The following ERFL variants were observed in gnomAD, a reference collection of about 807,000 sequenced individuals.
The protein encoded by ERFL is ETS domain-containing transcription factor ERF-like.
Under a neutral mutation model 27.9 loss-of-function variants are expected in ERFL, and 8 were observed. The observed-to-expected ratio is 0.29, with a 90% CI of 0.17 to 0.52. The LOEUF (loss-of-function observed/expected upper bound fraction) is 0.52, where lower values mean the gene tolerates loss of function less well. Among genes scored for constraint, ERFL ranks in the 20% least tolerant of loss-of-function variants. The probability of loss-of-function intolerance (pLI) is 0.97; values close to 1 mark genes in which losing one functional copy is unlikely to be tolerated. For synonymous variants in ERFL, 174 were observed against 202.8 expected (o/e 0.86, Z 1.21); for missense variants, 294 against 444.4 (o/e 0.66, Z 3.04).
At chr19:41,920,399 GTGACACACTCACAGACA>G (rs1368857152) in intron 1 of ERFL, among the ~76,000 whole-genome samples, 10 of 121,086 alleles carry the variant, frequency 8.3e-5, no homozygotes, top group Admixed American at 1.8e-4. Context: ...ATGCCCAGAT[GTGACACACTCACAGACA>G]TGACACACTC....
chr19:41,916,301 C>T lies in ERFL; in HGVS notation c.-13-3369G>A, dbSNP rs1053752359. 6.6e-5 allele frequency among the ~76,000 whole-genome samples: 10 copies of T among 151,792 alleles called. No individual in the cohort carries two copies. On this transcript the variant is annotated intron_variant, in intron 1 of 5. Transcript: ENST00000597630. This position sits in a 1 kb window ranked among gnomAD's most constrained non-coding sequence, Gnocchi z 5.4. ...GTCAACAAAGTCACACACAGCACCA[C>T]GTCCCACACAACACATCACACACAC...
In ERFL at chr19:41,917,873, C is replaced by T. The variant is rs1309013859; in HGVS notation, c.-13-4941G>A. 6.6e-6 allele frequency among the ~76,000 whole-genome samples: 1 copy of T among 152,026 alleles called. No individual in the cohort carries two copies. Among genetic ancestry groups the T allele is most frequent in the African/African-American group, 2.4e-5 (1 of 41,346 alleles). On this transcript the variant is annotated intron_variant, in intron 1 of 5. Coordinates refer to ENST00000597630, the MANE Select transcript of ERFL (RefSeq NM_001365103.2). This position sits in a 1 kb window ranked among gnomAD's most constrained non-coding sequence, Gnocchi z 4.8. The stretch of plus-strand genomic sequence containing the variant: ...ATCTGTTGCCACACAAACGAGCCCC[C>T]AACACCCTGTCCCATCTGGGTGCAC...
chr19:41,919,422 C>G (rs972721781), intron 1 of ERFL, among the ~76,000 whole-genome samples: 1 of 152,170 alleles, frequency 6.6e-6, no homozygotes, highest in African/African-American at 2.4e-5. Flanking sequence ...TAGGGCTGGA[C>G]ACACAGTATC....
At chr19:41,912,405 T>TG (rs2074758181) in intron 2 of ERFL, among the ~76,000 whole-genome samples, 1 of 152,202 alleles carries the variant, frequency 6.6e-6, no homozygotes, top group Non-Finnish European at 1.5e-5. Context: ...TCCTCTTTCC[T>TG]GGGTCTCGGT....
In ERFL at chr19:41,916,023, T is replaced by C. The variant is rs1483051166; in HGVS notation, c.-13-3091A>G. On this transcript the variant is annotated intron_variant, in intron 1 of 5. Transcript: ENST00000597630. This position sits in a 1 kb window ranked among gnomAD's most constrained non-coding sequence, Gnocchi z 5.4. ...TTTATTTTGCTTCCTCCACCCCCCC[T>C]TCGCCCCCCATCTCTACCGCCCGCA... Among the ~76,000 whole-genome samples the C allele has an allele frequency of 2.3e-5, 3 of 131,000 alleles. No individual in the cohort carries two copies. Among genetic ancestry groups the C allele is most frequent in the Non-Finnish European group, 3.2e-5 (2 of 62,328 alleles). 85.9% of individuals were successfully genotyped at this position (131,000 alleles called of 152,430 possible). A position where few individuals can be genotyped will look rare whatever the true frequency, so the allele number is the denominator to read the frequency against.
Position 41,908,739 on chromosome 19 carries a change from C to T in ERFL, c.617-63G>A. 1 of 841,740 alleles carries T rather than the reference C, an allele frequency of 1.2e-6. No individual in the cohort carries two copies. Among genetic ancestry groups the T allele is most frequent in the Non-Finnish European group, 1.6e-6 (1 of 631,816 alleles). 52.1% of individuals were successfully genotyped at this position (841,740 alleles called of 1,614,324 possible). A position where few individuals can be genotyped will look rare whatever the true frequency, so the allele number is the denominator to read the frequency against. On this transcript the variant is annotated intron_variant, in intron 5 of 5. Coordinates refer to ENST00000597630, the MANE Select transcript of ERFL (RefSeq NM_001365103.2). This position sits in a 1 kb window ranked among gnomAD's most constrained non-coding sequence, Gnocchi z 6.7. The stretch of plus-strand genomic sequence containing the variant: ...CCTGCCTGGGGACCAGTAAAGGGGG[C>T]TGCCTCCCTGCCATATCCCACCCCA...
Position 41,912,965 on chromosome 19 carries a change from G to A in ERFL, c.-13-33C>T, listed in dbSNP as rs1457115179. The A allele has an allele frequency of 2.4e-5, 25 of 1,052,294 alleles. No homozygotes were observed. The East Asian group carries it at 4.2e-4, about 18-fold the overall frequency. The allele number at this position is 1,052,294 out of a possible 1,614,324, so 65.2% of individuals were successfully genotyped here. On this transcript the variant is annotated intron_variant, in intron 1 of 5. Coordinates refer to ENST00000597630, the MANE Select transcript of ERFL (RefSeq NM_001365103.2). The stretch of plus-strand genomic sequence containing the variant: ...GGCCGGGAGGGACACACGGGGACGG[G>A]GTGGGCAGGAGAGACAGACACAGGT...
At position 41,917,009 on chromosome 19, in the gene ERFL, GGTGT is replaced by G. The variant is rs782321934; in HGVS notation, c.-13-4081_-13-4078del. ...AACTTCCCAAGCATGTCTCTGCATG[GGTGT>G]GTGTGTGTGTGTGCACATATGTGAC... On this transcript the variant is annotated intron_variant, in intron 1 of 5. Transcript: ENST00000597630. The surrounding 1 kb of genome is among the most constrained non-coding windows in gnomAD (Gnocchi z 4.8). 6.1e-5 allele frequency among the ~76,000 whole-genome samples: 8 copies of G among 132,120 alleles called. No individual in the cohort carries two copies. The highest frequency in any genetic ancestry group is 4.1e-4 in the Admixed American group (6 of 14,752). 86.7% of individuals were successfully genotyped at this position (132,120 alleles called of 152,430 possible).
chr19:41,909,011 C>T lies in ERFL; in HGVS notation c.616+49G>A, dbSNP rs1285819043. ...TTCTCATCCTCTTCCCTCAAGCCTG[C>T]AGCTTCTCCCACTGTGCCCCCAGCA... On this transcript the variant is annotated intron_variant, in intron 5 of 5. Coordinates refer to ENST00000597630, the MANE Select transcript of ERFL (RefSeq NM_001365103.2). The surrounding 1 kb of genome is among the most constrained non-coding windows in gnomAD (Gnocchi z 5.2). 2 of 1,103,808 alleles carry T rather than the reference C, an allele frequency of 1.8e-6. No homozygotes were observed. The highest frequency in any genetic ancestry group is 1.6e-5 in the African/African-American group (1 of 61,666). The allele number at this position is 1,103,808 out of a possible 1,614,324, so 68.4% of individuals were successfully genotyped here. A position where few individuals can be genotyped will look rare whatever the true frequency, so the allele number is the denominator to read the frequency against.
At position 41,908,653 on chromosome 19, in the gene ERFL, G is replaced by A. The variant is rs1466862227; in HGVS notation, c.640C>T (p.Pro214Ser). 3 of 1,231,602 alleles carry A rather than the reference G, an allele frequency of 2.4e-6. No homozygotes were observed. Among genetic ancestry groups the A allele is most frequent in the Non-Finnish European group, 3.0e-6 (3 of 988,044 alleles). 76.3% of individuals were successfully genotyped at this position (1,231,602 alleles called of 1,614,324 possible). A position where few individuals can be genotyped will look rare whatever the true frequency, so the allele number is the denominator to read the frequency against. Reference protein sequence around the residue: ...GSGATSYSKPPGLLGPYGRAF... With the variant: ...GSGATSYSKPSGLLGPYGRAF... ...CGGCCATAAGGACCCAGCAGGCCAG[G>A]GGGCTTGGAATAGCTGGTGGCACCT... Residue 214 changes from proline (P) to serine (S), a missense_variant, in exon 6 of 6, where the codon CCT becomes TCT. Transcript: ENST00000597630. This position sits in a 1 kb window ranked among gnomAD's most constrained non-coding sequence, Gnocchi z 6.7.
chr19:41,924,623 A>C (rs2074861288), intron 1 of ERFL, among the ~76,000 whole-genome samples: 2 of 152,110 alleles, frequency 1.3e-5, no homozygotes, highest in South Asian at 4.1e-4. Context: ...CTACTCAGAG[A>C]ATGATACCTG....
chr19:41,918,472 C>T (rs934987472), intron 1 of ERFL, among the ~76,000 whole-genome samples: 2 of 149,612 alleles, frequency 1.3e-5, no homozygotes, highest in Admixed American at 6.7e-5. Context: ...ACACACCACA[C>T]ACGCACCACG....
intron 1 of ERFL, among the ~76,000 whole-genome samples, chr19:41,913,439 C>T (rs1555851448): frequency 6.6e-6 from 1 of 151,892 alleles, no homozygotes; most frequent in African/African-American, 2.4e-5. Flanking sequence ...ACACCCGCCC[C>T]ACCCGGACGA....
chr19:41,917,664 A>G lies in ERFL; in HGVS notation c.-13-4732T>C, dbSNP rs2074810265. Among the ~76,000 whole-genome samples the G allele has an allele frequency of 6.6e-6, 1 of 151,400 alleles. No homozygotes were observed. Among genetic ancestry groups the G allele is most frequent in the African/African-American group, 2.4e-5 (1 of 41,054 alleles). On this transcript the variant is annotated intron_variant, in intron 1 of 5. Transcript: ENST00000597630. The surrounding 1 kb of genome is among the most constrained non-coding windows in gnomAD (Gnocchi z 4.8). ...AAAGCACACGCACGCACGCACACACACACCCTGACTGCACCCACCCATGGC... is the reference window on the plus strand; with the variant it reads ...AAAGCACACGCACGCACGCACACACGCACCCTGACTGCACCCACCCATGGC...
rs2074731716 is a variant in ERFL at position 41,908,456 on chromosome 19, G to A, written c.837C>T (p.Ala279=). The A allele has an allele frequency of 1.3e-5, 16 of 1,231,202 alleles. No homozygotes were observed. Among genetic ancestry groups the A allele is most frequent in the Non-Finnish European group, 1.4e-5 (14 of 987,692 alleles). 76.3% of individuals were successfully genotyped at this position (1,231,202 alleles called of 1,614,324 possible). A position where few individuals can be genotyped will look rare whatever the true frequency, so the allele number is the denominator to read the frequency against. ...GGGPTATPLL[A]STGEGLGPER... The stretch of plus-strand genomic sequence containing the variant: ...CGGGGCCCAGGCCCTCCCCTGTCGA[G>A]GCCAGCAGGGGCGTGGCTGTGGGGC... Residue 279 remains alanine, a synonymous_variant, in exon 6 of 6, where the codon GCC becomes GCT. Transcript: ENST00000597630. The surrounding 1 kb of genome is among the most constrained non-coding windows in gnomAD (Gnocchi z 6.7).
chr19:41,915,403 CGTCT>C (rs1402175607), intron 1 of ERFL, among the ~76,000 whole-genome samples: 3 of 151,722 alleles, frequency 2.0e-5, no homozygotes, highest in Admixed American at 2.0e-4. Flanking sequence ...TGTCCCCGTC[CGTCT>C]GTCCGTCCCT....
intron 1 of ERFL, among the ~76,000 whole-genome samples, chr19:41,913,728 C>T (rs953213275): frequency 1.8e-4 from 27 of 150,556 alleles, no homozygotes; most frequent in Admixed American, 1.5e-3. Flanking sequence ...AGATATCTTA[C>T]GCCCCTAAGA....
rs2074804931 is a variant in ERFL at position 41,916,892 on chromosome 19, T to C, written c.-13-3960A>G. On this transcript the variant is annotated intron_variant, in intron 1 of 5. Transcript: ENST00000597630. The surrounding 1 kb of genome is among the most constrained non-coding windows in gnomAD (Gnocchi z 5.4). ...CACAGACACACCCAGACACACTGGG[T>C]AGGGGTGGGCACTCAGAGATGACCC... 6.6e-6 allele frequency among the ~76,000 whole-genome samples: 1 copy of C among 151,810 alleles called. No individual in the cohort carries two copies. The highest frequency in any genetic ancestry group is 2.1e-4 in the South Asian group (1 of 4,800).
At chr19:41,911,419 G>A (rs1392808941) in intron 2 of ERFL, among the ~76,000 whole-genome samples, 2 of 152,198 alleles carry the variant, frequency 1.3e-5, no homozygotes, top group African/African-American at 2.4e-5. Flanking sequence ...GCCAGGGCAG[G>A]GGAGACCAGC....
Sources: allele counts gnomAD v4.1 joint callset (sites outside exome capture counted in the v4.1 genomes callset), GRCh38; gene constraint gnomAD v4.1.1; non-coding constraint Gnocchi (gnomAD v3.1); transcripts MANE v1.5; gene names NCBI Gene and HGNC (gene_info 2026-07-23, HGNC 2026-07-21).